The following CNTNAP2 variants were observed in gnomAD, a reference collection of about 807,000 sequenced individuals.
CNTNAP2 encodes the protein contactin-associated protein-like 2.
A neutral mutation model predicts 155.2 loss-of-function variants in CNTNAP2; 98 were observed. The observed-to-expected ratio is 0.63, with a 90% confidence interval of 0.54 to 0.75. The LOEUF (loss-of-function observed/expected upper bound fraction) is 0.75. CNTNAP2 is among the 30% of genes least tolerant of loss of function. The pLI, the probability that CNTNAP2 is intolerant of heterozygous loss-of-function variation, is 0.00. For missense variants in CNTNAP2, 1,727 were observed against 1,688.1 expected, an observed-to-expected ratio of 1.02 and a Z score of -0.40; for synonymous variants, 651 against 631.2, an observed-to-expected ratio of 1.03 and a Z score of -0.47.
intron 1 of CNTNAP2, among the ~76,000 whole-genome samples, chr7:146,321,884 A>G: frequency 6.6e-6 from 1 of 152,108 alleles, no homozygotes. Context: ...TGGCTCCATT[A>G]TTTCTTTTTT....
At chr7:146,667,210 T>C (rs928120113) in intron 1 of CNTNAP2, among the ~76,000 whole-genome samples, 2 of 152,140 alleles carry the variant, frequency 1.3e-5, no homozygotes, top group Non-Finnish European at 2.9e-5. Context: ...GATACTCAGT[T>C]ATCCCAGTAC....
At chr7:147,732,563 G>A (rs919414898) in intron 13 of CNTNAP2, among the ~76,000 whole-genome samples, 64 of 152,194 alleles carry the variant, frequency 4.2e-4, no homozygotes, top group African/African-American at 1.3e-3. Context: ...GTAATGGGAT[G>A]GCTGGGTCAA....
chr7:148,364,614 G>A (rs1381370381), intron 21 of CNTNAP2, among the ~76,000 whole-genome samples: 55 of 152,202 alleles, frequency 3.6e-4, no homozygotes, highest in Admixed American at 3.5e-3. Context: ...GGGCCTTGGA[G>A]AACCTGTGTG....
At chr7:147,447,811 T>C (rs1410246496) in intron 10 of CNTNAP2, among the ~76,000 whole-genome samples, 3 of 151,672 alleles carry the variant, frequency 2.0e-5, no homozygotes, top group African/African-American at 7.3e-5. Flanking sequence ...ATAGTATATA[T>C]AGTATATGTA....
chr7:146,309,829 AAAGGAAGG>A (rs370487767), intron 1 of CNTNAP2, among the ~76,000 whole-genome samples: 5 of 148,928 alleles, frequency 3.4e-5, no homozygotes, highest in South Asian at 2.1e-4. Context: ...AGAAGAAAGG[AAAGGAAGG>A]AAGGAAGGAA....
intron 8 of CNTNAP2, among the ~76,000 whole-genome samples, chr7:147,278,040 C>A (rs1804939880): frequency 6.7e-6 from 1 of 149,414 alleles, no homozygotes; most frequent in Non-Finnish European, 1.5e-5. Flanking sequence ...TGAGTATGAA[C>A]AACTCTGTGG....
rs145214520 is a variant in CNTNAP2 at position 148,361,981 on chromosome 7, G to A, written c.3476-21668G>A. On this transcript the variant is annotated intron_variant, in intron 21 of 23. Coordinates refer to ENST00000361727, the MANE Select transcript of CNTNAP2 (RefSeq NM_014141.6). Reference sequence around the variant, plus strand: ...TCCCAGCACTTTGGGAGGCCAAGGCGAGCAGATCATGAAGTTAGGGGTTCG... The same window carrying A: ...TCCCAGCACTTTGGGAGGCCAAGGCAAGCAGATCATGAAGTTAGGGGTTCG... Among the ~76,000 whole-genome samples the A allele has an allele frequency of 7.2e-3, 1,091 of 152,178 alleles. 13 individuals carry two copies. The highest frequency in any genetic ancestry group is 0.03 in the South Asian group (143 of 4,820).
At chr7:146,761,503 T>G (rs1483419282) in intron 1 of CNTNAP2, among the ~76,000 whole-genome samples, 1 of 152,106 alleles carries the variant, frequency 6.6e-6, no homozygotes, top group Non-Finnish European at 1.5e-5. Context: ...ACAAGTGTGT[T>G]TGTTCTGTTG....
chr7:146,626,872 A>G (rs1186617668), intron 1 of CNTNAP2, among the ~76,000 whole-genome samples: 2 of 152,138 alleles, frequency 1.3e-5, no homozygotes, highest in African/African-American at 2.4e-5. Flanking sequence ...ATAGCTTTAA[A>G]ATGGAGGCCA....
At chr7:146,288,793 ATTTTTTTTT>A (rs757136036) in intron 1 of CNTNAP2, among the ~76,000 whole-genome samples, 8 of 100,016 alleles carry the variant, frequency 8.0e-5, no homozygotes, top group African/African-American at 3.8e-4. Flanking sequence ...AAAATTAGTA[ATTTTTTTTT>A]TTTTTTTTTT....
chr7:147,020,153 T>A (rs1415435890), intron 3 of CNTNAP2, among the ~76,000 whole-genome samples: 1 of 152,154 alleles, frequency 6.6e-6, no homozygotes, highest in African/African-American at 2.4e-5. Flanking sequence ...TTTGCACATA[T>A]CATAGATGAT....
chr7:146,282,163 C>T (rs995798313), intron 1 of CNTNAP2, among the ~76,000 whole-genome samples: 7 of 152,180 alleles, frequency 4.6e-5, no homozygotes, highest in East Asian at 3.9e-4. Flanking sequence ...TGTGAACACA[C>T]GCCAATTGTG....
At chr7:147,894,576 G>C (rs1585014783) in intron 13 of CNTNAP2, among the ~76,000 whole-genome samples, 1 of 152,184 alleles carries the variant, frequency 6.6e-6, no homozygotes, top group Non-Finnish European at 1.5e-5. Flanking sequence ...AGATAAGGTT[G>C]TAATTGTACA....
intron 8 of CNTNAP2, among the ~76,000 whole-genome samples, chr7:147,188,272 A>G (rs1802608222): frequency 6.6e-6 from 1 of 152,214 alleles, no homozygotes; most frequent in African/African-American, 2.4e-5. Flanking sequence ...GGCAAGACCA[A>G]GGACAGCATG....
chr7:147,325,679 A>G (rs917956218), intron 9 of CNTNAP2, among the ~76,000 whole-genome samples: 16 of 152,256 alleles, frequency 1.1e-4, no homozygotes, highest in Admixed American at 7.8e-4. Flanking sequence ...GCTTCCATCT[A>G]TGTGTTGAAT....
chr7:147,159,314 T>C (rs943803579), intron 8 of CNTNAP2, among the ~76,000 whole-genome samples: 2 of 152,128 alleles, frequency 1.3e-5, no homozygotes, highest in African/African-American at 4.8e-5. Context: ...AGAAATACGA[T>C]TATTCTGGCA....
At chr7:147,814,240 A>G (rs1455248460) in intron 13 of CNTNAP2, among the ~76,000 whole-genome samples, 3 of 152,206 alleles carry the variant, frequency 2.0e-5, no homozygotes, top group Non-Finnish European at 4.4e-5. Context: ...CACCAGAATA[A>G]AAAGCTAAAC....
intron 3 of CNTNAP2, among the ~76,000 whole-genome samples, chr7:146,967,590 A>T (rs1236653021): frequency 3.3e-5 from 5 of 152,126 alleles, no homozygotes; most frequent in Admixed American, 1.3e-4. Context: ...GGGAGTTCAC[A>T]CATGATTTGG....
chr7:147,069,448 G>A (rs963214967), intron 4 of CNTNAP2, among the ~76,000 whole-genome samples: 1 of 152,140 alleles, frequency 6.6e-6, no homozygotes, highest in African/African-American at 2.4e-5. Context: ...CAGAGGCAAG[G>A]ACATATAGGG....
Sources: allele counts gnomAD v4.1 joint callset (sites outside exome capture counted in the v4.1 genomes callset), GRCh38; gene constraint gnomAD v4.1.1; transcripts MANE v1.5; gene names NCBI Gene and HGNC (gene_info 2026-07-23, HGNC 2026-07-21).